MYOF: variants seen among roughly 807,000 people sequenced by gnomAD.
MYOF encodes the protein myoferlin.
MYOF carries 244 observed loss-of-function variants against 284.2 expected under a neutral mutation model. The observed-to-expected ratio is 0.86, with a 90% confidence interval of 0.77 to 0.95. The LOEUF (loss-of-function observed/expected upper bound fraction) is 0.95, where lower values mean the gene tolerates loss of function less well. MYOF is among the 40% of genes least tolerant of loss of function. The pLI is 0.00. For missense variants in MYOF, 2,496 were observed against 2,560.6 expected, an observed-to-expected ratio of 0.97 and a Z score of 0.54; for synonymous variants, 904 against 919.7, an observed-to-expected ratio of 0.98 and a Z score of 0.31.
intron 19 of MYOF, among the ~76,000 whole-genome samples, chr10:93,384,365 C>T (rs1016137727): frequency 1.3e-5 from 2 of 152,176 alleles, no homozygotes; most frequent in African/African-American, 4.8e-5. Context: ...TTGGGCTGGG[C>T]GTGGTGGTTT....
At chr10:93,355,219 A>G (rs1233924057) in intron 31 of MYOF, among the ~76,000 whole-genome samples, 1 of 152,222 alleles carries the variant, frequency 6.6e-6, no homozygotes, top group East Asian at 1.9e-4. Context: ...GCATGAAGAG[A>G]TTTTAAAAAT....
chr10:93,333,571 C>T (rs1029482495), intron 42 of MYOF, among the ~76,000 whole-genome samples, 187 bp downstream of exon 42: 3 of 152,084 alleles, frequency 2.0e-5, no homozygotes, highest in Non-Finnish European at 4.4e-5. Flanking sequence ...AACCAGGGGA[C>T]CTTAAGCCCC....
intron 44 of MYOF, 63 bp downstream of exon 44, chr10:93,329,601 G>A (rs1420395739): frequency 6.4e-7 from 1 of 1,574,550 alleles, no homozygotes; most frequent in East Asian, 2.2e-5. Context: ...AGAGGGCCTA[G>A]GCCTCCCCAG....
rs560636645 is a variant in MYOF, at chr10:93,316,266, C to T, written c.5698+448G>A. 1.9e-4 allele frequency among the ~76,000 whole-genome samples: 29 copies of T among 151,746 alleles called. No individual in the cohort carries two copies. In the South Asian group the frequency reaches 5.2e-3, roughly 27 times the overall value. On this transcript the variant is annotated intron_variant, in intron 50 of 53. Transcript: ENST00000359263. Reference sequence around the variant, plus strand: ...GAGTGTGCCAGGAGAGGGAAGGGCCCGGGCTAAGGGTGCATTGAACTAGTG... The same window carrying T: ...GAGTGTGCCAGGAGAGGGAAGGGCCTGGGCTAAGGGTGCATTGAACTAGTG...
intron 43 of MYOF, 126 bp from the exon 44 acceptor site, chr10:93,329,960 T>C (rs929777530): frequency 3.2e-6 from 3 of 932,406 alleles, no homozygotes; most frequent in Admixed American, 2.1e-5. Context: ...CTGAGCAGGA[T>C]AACCAGGGTG....
chr10:93,353,974 T>A, intron 31 of MYOF, 86 bp from the exon 32 acceptor site: 4 of 1,057,860 alleles, frequency 3.8e-6, no homozygotes, highest in Non-Finnish European at 5.6e-6. Flanking sequence ...AAATACATGT[T>A]TCTGATAAAT....
At chr10:93,389,611 A>C (rs1285479846) in intron 17 of MYOF, among the ~76,000 whole-genome samples, 1 of 152,256 alleles carries the variant, frequency 6.6e-6, no homozygotes, top group African/African-American at 2.4e-5. Context: ...TGCTGTTAAA[A>C]ATATAAGACA....
chr10:93,474,662 C>T (rs928416719), intron 1 of MYOF, among the ~76,000 whole-genome samples: 1 of 152,142 alleles, frequency 6.6e-6, no homozygotes, highest in Non-Finnish European at 1.5e-5. Context: ...GATTTATAGA[C>T]TGCCATGTGC....
intron 19 of MYOF, among the ~76,000 whole-genome samples, chr10:93,385,777 T>C (rs1288811224): frequency 2.0e-5 from 3 of 152,184 alleles, no homozygotes; most frequent in African/African-American, 4.8e-5. Flanking sequence ...AATTCTGTTT[T>C]ACCAGTCAAT....
At position 93,377,257 on chromosome 10, in the gene MYOF, C is replaced by G. The variant is rs1464747600; in HGVS notation, c.2108+66G>C. 3 of 1,107,430 alleles carry G rather than the reference C, an allele frequency of 2.7e-6. No homozygotes were observed. In the East Asian group the frequency reaches 7.1e-5, roughly 26 times the overall value. The allele number at this position is 1,107,430 out of a possible 1,614,324, so 68.6% of individuals were successfully genotyped here. On this transcript the variant is annotated intron_variant, in intron 22 of 53. Transcript: ENST00000359263. ...ACTAGAAACAATTCCACAGGATTTACAGTCTTAGAATTTCAGGGAGGAGCG... is the reference window on the plus strand; with the variant it reads ...ACTAGAAACAATTCCACAGGATTTAGAGTCTTAGAATTTCAGGGAGGAGCG...
At chr10:93,454,986 TTAAAAAAA>T (rs1275158310) in intron 2 of MYOF, among the ~76,000 whole-genome samples, 1 of 84,586 alleles carries the variant, frequency 1.2e-5, no homozygotes, top group Non-Finnish European at 2.2e-5. Flanking sequence ...CTTTTTTTAA[TTAAAAAAA>T]AAAAAAAAAA....
rs1843218436 is a variant in MYOF, at chr10:93,329,725, G to C, written c.4921C>G (p.Leu1641Val). ...DEKVGETIID[L>V]ENRFLSRFGS... is the part of the protein sequence containing the mutation. The stretch of plus-strand genomic sequence containing the variant: ...AAGCGGGAAAGGAATCGGTTTTCCA[G>C]ATCAATAATTGTTTCTCCTACTTTT... The change falls in exon 44 of 54, where the codon CTG becomes GTG. Residue 1641 changes from leucine (L) to valine (V), a missense_variant. By Grantham distance (32) the Leu-to-Val change is conservative. Transcript: ENST00000359263. 1.2e-6 allele frequency: 2 copies of C among 1,614,114 alleles called. No homozygotes were observed. Among genetic ancestry groups the C allele is most frequent in the Admixed American group, 3.3e-5 (2 of 60,014 alleles).
At chr10:93,332,300 G>A (rs1253614844) in intron 43 of MYOF, among the ~76,000 whole-genome samples, 1 of 151,164 alleles carries the variant, frequency 6.6e-6, no homozygotes, top group African/African-American at 2.4e-5. Flanking sequence ...TCAGCTCACT[G>A]CAACCTCCAC....
intron 32 of MYOF, among the ~76,000 whole-genome samples, chr10:93,352,098 G>A (rs897902236): frequency 6.6e-5 from 10 of 152,278 alleles, no homozygotes; most frequent in South Asian, 2.1e-4. Flanking sequence ...CAAGGTTAAT[G>A]GGGCCCATAG....
chr10:93,380,637 GATTT>G (rs1266520230), intron 20 of MYOF, among the ~76,000 whole-genome samples: 2 of 152,142 alleles, frequency 1.3e-5, no homozygotes, highest in Non-Finnish European at 2.9e-5. Flanking sequence ...TTTCTATTAT[GATTT>G]ATTTTATACA....
At chr10:93,369,597 C>T (rs879152031) in intron 25 of MYOF, 48 bp downstream of exon 25, 2 of 1,607,392 alleles carry the variant, frequency 1.2e-6, no homozygotes, top group East Asian at 2.2e-5. Context: ...AGTAAAAGTG[C>T]CCCTCCCCCG....
chr10:93,384,591 C>G (rs1346750685), intron 19 of MYOF, among the ~76,000 whole-genome samples: 1 of 150,932 alleles, frequency 6.6e-6, no homozygotes, highest in East Asian at 1.9e-4. Context: ...TTGCAGTGAG[C>G]CAAGGTCACA....
Position 93,313,531 on chromosome 10 carries a change from A to C in MYOF, c.5699-321T>G, listed in dbSNP as rs1369872236. ...TCAACTCAAGGCCCTTGGATGTGAAATGTTTTCCTTTTAGTTCTGAGCTGC... is the reference window on the plus strand; with the variant it reads ...TCAACTCAAGGCCCTTGGATGTGAACTGTTTTCCTTTTAGTTCTGAGCTGC... On this transcript the variant is annotated intron_variant, in intron 50 of 53. Coordinates refer to ENST00000359263, the MANE Select transcript of MYOF (RefSeq NM_013451.4). 2.0e-5 allele frequency among the ~76,000 whole-genome samples: 3 copies of C among 152,296 alleles called. No individual in the cohort carries two copies. In the East Asian group the frequency reaches 5.8e-4, roughly 29 times the overall value.
chr10:93,374,524 G>T (rs1845747777), intron 23 of MYOF, among the ~76,000 whole-genome samples: 1 of 152,142 alleles, frequency 6.6e-6, no homozygotes, highest in Non-Finnish European at 1.5e-5. Flanking sequence ...ATAATGATTT[G>T]TCCACTTTTG....
Sources: allele counts gnomAD v4.1 joint callset (sites outside exome capture counted in the v4.1 genomes callset), GRCh38; gene constraint gnomAD v4.1.1; transcripts MANE v1.5; gene names NCBI Gene and HGNC (gene_info 2026-07-23, HGNC 2026-07-21).